Variants in GRID2 observed in about 807,000 individuals in gnomAD.
The protein encoded by GRID2 is glutamate receptor ionotropic, delta-2.
In GRID2, 33 loss-of-function variants were observed where a neutral mutation model predicts 114.8. The ratio of observed to expected loss-of-function variants is 0.29; its 90% CI spans 0.22 to 0.38. GRID2 has a LOEUF of 0.38. Ranked by LOEUF, GRID2 falls within the 10% of genes least tolerant of loss-of-function variation. GRID2 has a pLI of 1.00. For missense variants in GRID2, 1,184 were observed against 1,257.7 expected, an observed-to-expected ratio of 0.94 and a Z score of 0.89; for synonymous variants, 505 against 449.9, an observed-to-expected ratio of 1.12 and a Z score of -1.55.
At chr4:93,126,844 G>A (rs180741424) in intron 4 of GRID2, among the ~76,000 whole-genome samples, 2 of 151,812 alleles carry the variant, frequency 1.3e-5, no homozygotes, top group East Asian at 3.9e-4. Flanking sequence ...TGATCCGCCC[G>A]CCTCGGCCTC....
chr4:92,651,179 T>A (rs2149261804), intron 2 of GRID2, among the ~76,000 whole-genome samples: 1 of 152,200 alleles, frequency 6.6e-6, no homozygotes, highest in Middle Eastern at 3.4e-3. Flanking sequence ...CCAGAATAAA[T>A]GTCTATTGCA....
intron 2 of GRID2, among the ~76,000 whole-genome samples, chr4:92,988,575 A>G (rs1029535617): frequency 5.9e-5 from 9 of 152,118 alleles, no homozygotes; most frequent in Non-Finnish European, 1.3e-4. Flanking sequence ...TGAATCAGAG[A>G]TCATTGGGGA....
chr4:93,048,640 CTTA>C (rs1381932075), intron 2 of GRID2, among the ~76,000 whole-genome samples: 7 of 152,090 alleles, frequency 4.6e-5, no homozygotes, highest in East Asian at 1.9e-4. Flanking sequence ...TTCCTGTCCA[CTTA>C]TTATAAAATT....
intron 2 of GRID2, among the ~76,000 whole-genome samples, chr4:92,737,347 T>G (rs1169043699): frequency 1.3e-5 from 2 of 152,098 alleles, no homozygotes; most frequent in Non-Finnish European, 2.9e-5. Context: ...TATGATTATG[T>G]GTATGCGATT....
chr4:92,522,258 T>C (rs1340880058), intron 1 of GRID2, among the ~76,000 whole-genome samples: 1 of 151,852 alleles, frequency 6.6e-6, no homozygotes, highest in African/African-American at 2.4e-5. Context: ...TGCCTTGCAA[T>C]GTCAGGCTGA....
chr4:92,415,773 T>TATAC (rs1477328744), intron 1 of GRID2, among the ~76,000 whole-genome samples: 47 of 129,376 alleles, frequency 3.6e-4, no homozygotes, highest in African/African-American at 1.4e-3. Flanking sequence ...TATATATATA[T>TATAC]ATATATATCA....
At chr4:93,148,072 G>C (rs187842545) in intron 4 of GRID2, among the ~76,000 whole-genome samples, 110 of 152,220 alleles carry the variant, frequency 7.2e-4, no homozygotes, top group African/African-American at 2.5e-3. Flanking sequence ...TCTTTTGTTT[G>C]TGACAAAATT....
chr4:93,724,294 C>G (rs1283213842), intron 14 of GRID2, among the ~76,000 whole-genome samples: 1 of 152,130 alleles, frequency 6.6e-6, no homozygotes, highest in Admixed American at 6.5e-5. Context: ...TAGAGACAAT[C>G]CTTGCAATGG....
At chr4:92,512,198 G>A (rs1724286275) in intron 1 of GRID2, among the ~76,000 whole-genome samples, 1 of 151,812 alleles carries the variant, frequency 6.6e-6, no homozygotes, top group South Asian at 2.1e-4. Context: ...GCATGTTTCA[G>A]AATACTCTTG....
At position 92,766,555 on chromosome 4, in the gene GRID2, A is replaced by G. The variant is rs1578163531; in HGVS notation, c.244+176269A>G. Among the ~76,000 whole-genome samples the G allele has an allele frequency of 4.6e-5, 7 of 152,032 alleles. No individual in the cohort carries two copies. In the South Asian group the frequency reaches 1.2e-3, roughly 27 times the overall value. The stretch of plus-strand genomic sequence containing the variant: ...CCTTCTCAAAAAAAAAAAAAAAAAA[A>G]AAGGACACTTTCACTAAGGAATGGT... On this transcript the variant is annotated intron_variant, in intron 2 of 15. Coordinates refer to ENST00000282020, the MANE Select transcript of GRID2 (RefSeq NM_001510.4).
rs1737907138 is a variant in GRID2 at position 93,163,382 on chromosome 4, A to AGTG, written c.736-44022_736-44021insGTG. 6.7e-5 allele frequency among the ~76,000 whole-genome samples: 3 copies of AGTG among 45,012 alleles called. 1 individual carries two copies. Among genetic ancestry groups the AGTG allele is most frequent in the African/African-American group, 2.5e-4 (3 of 11,842 alleles). The allele number at this position is 45,012 out of a possible 152,430, so 29.5% of individuals were successfully genotyped here. A position where few individuals can be genotyped will look rare whatever the true frequency, so the allele number is the denominator to read the frequency against. Reference sequence around the variant, plus strand: ...TATATATATATATATATATATATATATATATATATATATATATACACTATA... The same window carrying AGTG: ...TATATATATATATATATATATATATAGTGTATATATATATATATATACACTATA... On this transcript the variant is annotated intron_variant, in intron 4 of 15. Coordinates refer to ENST00000282020, the MANE Select transcript of GRID2 (RefSeq NM_001510.4).
chr4:93,370,556 C>A (rs1190365689), intron 8 of GRID2, among the ~76,000 whole-genome samples: 3 of 151,892 alleles, frequency 2.0e-5, no homozygotes, highest in Non-Finnish European at 4.4e-5. Context: ...TTCACTGTTT[C>A]TTGAAAATAA....
intron 2 of GRID2, among the ~76,000 whole-genome samples, chr4:92,851,005 G>C (rs1052216560): frequency 6.6e-6 from 1 of 151,816 alleles, no homozygotes; most frequent in East Asian, 1.9e-4. Flanking sequence ...AGAGAGGAGA[G>C]GCAGCAAACA....
At chr4:93,224,834 G>T (rs1472513212) in intron 7 of GRID2, 59 bp downstream of exon 7, 1 of 1,203,492 alleles carries the variant, frequency 8.3e-7, no homozygotes, top group Non-Finnish European at 1.2e-6. Flanking sequence ...ACATATTTTA[G>T]AAAAAGGGTT....
intron 1 of GRID2, among the ~76,000 whole-genome samples, chr4:92,573,803 A>G (rs1029531829): frequency 3.3e-5 from 5 of 152,072 alleles, no homozygotes; most frequent in African/African-American, 1.2e-4. Context: ...TTTGGGGTAG[A>G]GAGTTCTGTA....
chr4:92,664,075 C>G (rs1020152018), intron 2 of GRID2, among the ~76,000 whole-genome samples: 2 of 150,928 alleles, frequency 1.3e-5, no homozygotes, highest in African/African-American at 4.9e-5. Flanking sequence ...GTCTGTTTGT[C>G]TTGTTACAGG....
intron 11 of GRID2, among the ~76,000 whole-genome samples, chr4:93,482,453 A>C (rs772759359): frequency 2.0e-4 from 30 of 151,866 alleles, no homozygotes; most frequent in Middle Eastern, 3.2e-3. Flanking sequence ...ACCAAACACC[A>C]CATGTTCTCA....
chr4:92,326,044 T>C (rs1347787506), intron 1 of GRID2, among the ~76,000 whole-genome samples: 2 of 151,668 alleles, frequency 1.3e-5, no homozygotes, highest in Non-Finnish European at 2.9e-5. Flanking sequence ...TGAAAAAAAA[T>C]AGAGGGAGAT....
At chr4:92,595,384 T>A (rs1728900341) in intron 2 of GRID2, among the ~76,000 whole-genome samples, 2 of 151,924 alleles carry the variant, frequency 1.3e-5, no homozygotes. Flanking sequence ...ATGGGATTCA[T>A]TAAAGTTAAA....
Sources: gnomAD v4.1 joint callset for allele counts (sites outside exome capture counted in the v4.1 genomes callset) on GRCh38, gnomAD v4.1.1 for gene constraint, MANE v1.5 for transcripts, NCBI Gene and HGNC (gene_info 2026-07-23, HGNC 2026-07-21) for gene names.